The following SLC30A8 variants were observed in gnomAD, a reference collection of about 807,000 sequenced individuals.
The protein encoded by SLC30A8 is solute carrier family 30 member 8.
In SLC30A8, 27 loss-of-function variants were observed where a neutral mutation model predicts 36.9. That is an observed-to-expected ratio of 0.73 (90% CI 0.54 to 1.01). The LOEUF (loss-of-function observed/expected upper bound fraction) is 1.01, where lower values mean the gene tolerates loss of function less well. Ranked by LOEUF, SLC30A8 falls within the 50% of genes least tolerant of loss-of-function variation. The probability of loss-of-function intolerance (pLI) is 0.00; values close to 1 mark genes in which losing one functional copy is unlikely to be tolerated. For synonymous variants in SLC30A8, 164 were observed against 172.4 expected, an observed-to-expected ratio of 0.95 and a Z score of 0.38; for missense variants, 439 against 452.0, an observed-to-expected ratio of 0.97 and a Z score of 0.26.
chr8:116,999,865 T>C (rs190550897), intron 1 of SLC30A8, among the ~76,000 whole-genome samples: 1 of 152,164 alleles, frequency 6.6e-6, no homozygotes, highest in Admixed American at 6.5e-5. Context: ...TAAACAGATA[T>C]GAAAATAATT....
intron 2 of SLC30A8, among the ~76,000 whole-genome samples, chr8:117,077,630 T>C (rs1818532446): frequency 6.6e-6 from 1 of 152,210 alleles, no homozygotes; most frequent in Admixed American, 6.5e-5. Flanking sequence ...GATGGCATTT[T>C]ATATTATCTC....
chr8:117,135,929 ACATT>A (rs1821339340), intron 1 of SLC30A8, among the ~76,000 whole-genome samples: 1 of 151,976 alleles, frequency 6.6e-6, no homozygotes, highest in African/African-American at 2.4e-5. Flanking sequence ...CACATGCAAT[ACATT>A]CATTCATTTT....
intron 2 of SLC30A8, among the ~76,000 whole-genome samples, chr8:117,081,892 A>G (rs780018419): frequency 6.6e-6 from 1 of 152,094 alleles, no homozygotes; most frequent in East Asian, 1.9e-4. Context: ...TTCTGTCACC[A>G]TTTTCTGCTC....
chr8:116,976,169 A>AC (rs1814998235), intron 1 of SLC30A8, among the ~76,000 whole-genome samples: 1 of 152,064 alleles, frequency 6.6e-6, no homozygotes, highest in South Asian at 2.1e-4. Context: ...AAATACAAAA[A>AC]TTAGCCAGGT....
At chr8:116,979,852 T>C (rs1005609461) in intron 1 of SLC30A8, among the ~76,000 whole-genome samples, 1 of 152,092 alleles carries the variant, frequency 6.6e-6, no homozygotes, top group Non-Finnish European at 1.5e-5. Flanking sequence ...TGCCAACAAA[T>C]AGCATTCTCT....
chr8:117,115,932 T>A (rs986006340), intron 2 of SLC30A8, among the ~76,000 whole-genome samples: 1 of 152,066 alleles, frequency 6.6e-6, no homozygotes, highest in Non-Finnish European at 1.5e-5. Context: ...GAAGTTGCAT[T>A]TGCAGAGCAA....
chr8:117,098,768 A>G (rs899573709), intron 2 of SLC30A8, among the ~76,000 whole-genome samples: 2 of 152,176 alleles, frequency 1.3e-5, no homozygotes, highest in African/African-American at 2.4e-5. Flanking sequence ...AGAAAAGGCT[A>G]TTCCATTTTG....
intron 1 of SLC30A8, among the ~76,000 whole-genome samples, chr8:116,993,548 G>A (rs1215463479): frequency 6.6e-6 from 1 of 152,036 alleles, no homozygotes; most frequent in Non-Finnish European, 1.5e-5. Flanking sequence ...CAATCTAGAT[G>A]TTGGAGTTAG....
rs115279683 is a variant in SLC30A8 at position 117,103,228 on chromosome 8, A to G, written c.-225-32052A>G. ...ATGATGGGACAGCCACAGGGTAGAA[A>G]ATTTTCATTCTAAAAGTGAGAAACT... On this transcript the variant is annotated intron_variant, in intron 2 of 10. Coordinates refer to the SLC30A8 transcript ENST00000427715. Among the ~76,000 whole-genome samples the G allele has an allele frequency of 4.8e-3, 724 of 152,118 alleles. 2 individuals carry two copies. Among genetic ancestry groups the G allele is most frequent in the African/African-American group, 0.016 (669 of 41,510 alleles).
intron 2 of SLC30A8, among the ~76,000 whole-genome samples, chr8:117,150,684 C>A (rs545097462): frequency 6.6e-6 from 1 of 152,258 alleles, no homozygotes; most frequent in Admixed American, 6.5e-5. Flanking sequence ...TGGCTCACTG[C>A]AAGCTCCGCC....
intron 7 of SLC30A8, among the ~76,000 whole-genome samples, 166 bp from the exon 8 acceptor site, chr8:117,172,370 G>T (rs1300425988): frequency 4.6e-5 from 7 of 152,140 alleles, no homozygotes; most frequent in Admixed American, 4.6e-4. Context: ...CCCCTGCCTT[G>T]TCTGTGTGAA....
chr8:117,149,806 TC>T (rs1822085317), intron 2 of SLC30A8, among the ~76,000 whole-genome samples: 2 of 152,328 alleles, frequency 1.3e-5, no homozygotes, highest in Admixed American at 1.3e-4. Flanking sequence ...ATCGTTTGTT[TC>T]CATTCATTCC....
intron 1 of SLC30A8, among the ~76,000 whole-genome samples, chr8:117,002,599 GTTTTGTTTTTGT>G (rs939015074): frequency 5.3e-5 from 8 of 151,754 alleles, no homozygotes; most frequent in Admixed American, 2.0e-4. Flanking sequence ...TTTTTTGTTT[GTTTTGTTTTTGT>G]TTTTGTTTTT....
intron 1 of SLC30A8, among the ~76,000 whole-genome samples, chr8:116,976,276 G>T (rs147823815): frequency 6.8e-6 from 1 of 147,302 alleles, no homozygotes; most frequent in Non-Finnish European, 1.5e-5. Flanking sequence ...AGGTATAAAT[G>T]CTCCCACCCA....
At chr8:117,038,309 C>G (rs1586429344) in intron 1 of SLC30A8, among the ~76,000 whole-genome samples, 1 of 152,008 alleles carries the variant, frequency 6.6e-6, no homozygotes, top group East Asian at 1.9e-4. Context: ...TCCAAAACAC[C>G]AGAGATCGAT....
At chr8:117,104,387 G>A (rs1048004328) in intron 2 of SLC30A8, among the ~76,000 whole-genome samples, 2 of 152,152 alleles carry the variant, frequency 1.3e-5, no homozygotes, top group African/African-American at 4.8e-5. Flanking sequence ...ATTCAGCCAA[G>A]TTTATTCTAC....
At chr8:116,967,125 CAAAT>C (rs1332798922) in intron 1 of SLC30A8, among the ~76,000 whole-genome samples, 2 of 152,074 alleles carry the variant, frequency 1.3e-5, no homozygotes, top group African/African-American at 4.8e-5. Flanking sequence ...TATCATGACT[CAAAT>C]AAAAATTCCC....
chr8:116,957,243 A>G (rs1586324523), intron 1 of SLC30A8, among the ~76,000 whole-genome samples: 1 of 152,138 alleles, frequency 6.6e-6, no homozygotes, highest in Admixed American at 6.5e-5. Context: ...TTAAAGGGCT[A>G]TTATGGGCAG....
At chr8:117,142,590 C>T (rs1563623215) in intron 1 of SLC30A8, among the ~76,000 whole-genome samples, 2 of 152,126 alleles carry the variant, frequency 1.3e-5, no homozygotes, top group East Asian at 1.9e-4. Context: ...AAGACAAGCA[C>T]TTGAACAAGA....
Sources: allele counts gnomAD v4.1 joint callset (sites outside exome capture counted in the v4.1 genomes callset), GRCh38; gene constraint gnomAD v4.1.1; transcripts MANE v1.5; gene names NCBI Gene and HGNC (gene_info 2026-07-23, HGNC 2026-07-21).